BBOX1: variants seen among roughly 807,000 people sequenced by gnomAD.
BBOX1 encodes gamma-butyrobetaine dioxygenase.
A neutral mutation model predicts 41.6 loss-of-function variants in BBOX1; 35 were observed. The ratio of observed to expected loss-of-function variants is 0.84; its 90% CI spans 0.64 to 1.11. The LOEUF (loss-of-function observed/expected upper bound fraction) is 1.11, where lower values mean the gene tolerates loss of function less well. Ranked by LOEUF, BBOX1 falls within the 50% of genes most tolerant of loss-of-function variation. BBOX1 has a pLI of 0.00. For synonymous variants in BBOX1, 163 were observed against 154.7 expected (o/e 1.05, Z -0.40); for missense variants, 458 against 460.6 (o/e 0.99, Z 0.05).
At chr11:27,125,860 T>C in intron 8 of BBOX1, 40 bp downstream of exon 8, 1 of 1,584,394 alleles carries the variant, frequency 6.3e-7, no homozygotes, top group Non-Finnish European at 8.6e-7. Flanking sequence ...AAAGCATGGA[T>C]TTTCTTCAAC....
At position 27,117,742 on chromosome 11, in the gene BBOX1, A is replaced by G. The variant is rs1470668867; in HGVS notation, c.640-1907A>G. Among the ~76,000 whole-genome samples, 3 of 152,062 alleles carry G rather than the reference A, an allele frequency of 2.0e-5. No individual in the cohort carries two copies. In the East Asian group the frequency reaches 5.8e-4, roughly 29 times the overall value. ...TTCATAAATGTTCCTGAAGTATAAT[A>G]GAATGCTTGACTTTTTCATAGTCAT... On this transcript the variant is annotated intron_variant, in intron 6 of 8. Coordinates refer to ENST00000263182, the MANE Select transcript of BBOX1 (RefSeq NM_003986.3).
chr11:27,047,875 ACTACTGC>A (rs1564950226), intron 2 of BBOX1, among the ~76,000 whole-genome samples: 1 of 152,118 alleles, frequency 6.6e-6, no homozygotes, highest in African/African-American at 2.4e-5. Flanking sequence ...TACTTTTACT[ACTACTGC>A]TACTTCTACT....
At position 27,064,085 on chromosome 11, in the gene BBOX1, C is replaced by T. The variant is rs915400304; in HGVS notation, c.334+6770C>T. ...TTGCCCCCATCTCTAAGCCTTGCTACATCCATTCTTGAATTCTCAGAGGTG... is the reference window on the plus strand; with the variant it reads ...TTGCCCCCATCTCTAAGCCTTGCTATATCCATTCTTGAATTCTCAGAGGTG... On this transcript the variant is annotated intron_variant, in intron 4 of 8. Transcript: ENST00000263182. 2.6e-5 allele frequency among the ~76,000 whole-genome samples: 4 copies of T among 152,186 alleles called. No individual in the cohort carries two copies. In the South Asian group the frequency reaches 6.2e-4, roughly 24 times the overall value.
chr11:27,110,181 A>G (rs1055731176), intron 5 of BBOX1, among the ~76,000 whole-genome samples: 1 of 151,936 alleles, frequency 6.6e-6, no homozygotes, highest in African/African-American at 2.4e-5. Context: ...CATAGTTAGG[A>G]GAGAACCATC....
At position 27,092,160 on chromosome 11, in the gene BBOX1, C is replaced by T. The variant is rs574993042; in HGVS notation, c.335-1008C>T. 2.0e-5 allele frequency among the ~76,000 whole-genome samples: 3 copies of T among 152,064 alleles called. No homozygotes were observed. The South Asian group carries it at 6.2e-4, about 32-fold the overall frequency. On this transcript the variant is annotated intron_variant, in intron 4 of 8. Transcript: ENST00000263182. Reference sequence around the variant, plus strand: ...AATGGTTTCCAGTCCACAACTACTACAAGAGGCACCATTCTTCATTCTTAA... The same window carrying T: ...AATGGTTTCCAGTCCACAACTACTATAAGAGGCACCATTCTTCATTCTTAA...
intron 2 of BBOX1, among the ~76,000 whole-genome samples, chr11:27,051,676 C>A (rs1313722913): frequency 1.3e-5 from 2 of 151,898 alleles, no homozygotes; most frequent in East Asian, 3.9e-4. Flanking sequence ...TCTCCTCTTT[C>A]ATTTCTGATT....
rs372944816 is a variant in BBOX1, at chr11:27,073,201, C to A, written c.334+15886C>A. Reference sequence around the variant, plus strand: ...GCTAATATCCAGAATCTACAATGAACTCAAACAAATTTACAAGAAAAAAGC... The same window carrying A: ...GCTAATATCCAGAATCTACAATGAAATCAAACAAATTTACAAGAAAAAAGC... On this transcript the variant is annotated intron_variant, in intron 4 of 8. Transcript: ENST00000263182. 4.0e-4 allele frequency among the ~76,000 whole-genome samples: 61 copies of A among 152,264 alleles called. No homozygotes were observed. The South Asian group carries it at 0.011, about 27-fold the overall frequency.
chr11:27,077,912 A>G (rs1204103782), intron 4 of BBOX1, among the ~76,000 whole-genome samples: 2 of 151,994 alleles, frequency 1.3e-5, no homozygotes, highest in African/African-American at 4.8e-5. Context: ...CAGCATGCAC[A>G]ATTCTAAGGG....
chr11:27,090,160 C>T (rs1405932518), intron 4 of BBOX1, among the ~76,000 whole-genome samples: 2 of 151,908 alleles, frequency 1.3e-5, no homozygotes, highest in Non-Finnish European at 2.9e-5. Context: ...AGCTGGGCAT[C>T]AAGAAAGAAC....
chr11:27,110,220 T>C (rs1466382508), intron 5 of BBOX1, among the ~76,000 whole-genome samples: 4 of 152,030 alleles, frequency 2.6e-5, no homozygotes, highest in African/African-American at 9.6e-5. Flanking sequence ...AGAGAATTGG[T>C]TACCATCATC....
At chr11:27,072,702 G>A (rs1857495429) in intron 4 of BBOX1, among the ~76,000 whole-genome samples, 1 of 152,238 alleles carries the variant, frequency 6.6e-6, no homozygotes, top group South Asian at 2.1e-4. Context: ...AAAACAGCAT[G>A]GTACTGGTAC....
intron 2 of BBOX1, among the ~76,000 whole-genome samples, chr11:27,052,450 C>G (rs547683278): frequency 1.3e-5 from 2 of 152,052 alleles, no homozygotes; most frequent in Non-Finnish European, 2.9e-5. Context: ...CCATTCATAA[C>G]AGAATGAAAC....
chr11:27,067,117 C>A (rs374596655), intron 4 of BBOX1, among the ~76,000 whole-genome samples: 52 of 152,226 alleles, frequency 3.4e-4, no homozygotes, highest in African/African-American at 6.7e-4. Context: ...CCATACATAT[C>A]AACTCATTAT....
intron 4 of BBOX1, among the ~76,000 whole-genome samples, chr11:27,075,958 C>T (rs994257610): frequency 6.6e-6 from 1 of 152,226 alleles, no homozygotes; most frequent in Non-Finnish European, 1.5e-5. Flanking sequence ...CCCCACTGAG[C>T]CCAGCACTGT....
At chr11:27,072,289 A>G (rs1857478536) in intron 4 of BBOX1, among the ~76,000 whole-genome samples, 1 of 152,210 alleles carries the variant, frequency 6.6e-6, no homozygotes, top group Admixed American at 6.5e-5. Context: ...AGACAAAGAG[A>G]GAGCCAAATC....
At chr11:27,100,181 G>A (rs1032188562) in intron 5 of BBOX1, among the ~76,000 whole-genome samples, 1 of 152,046 alleles carries the variant, frequency 6.6e-6, no homozygotes, top group Non-Finnish European at 1.5e-5. Context: ...CTAAGAAATT[G>A]CTCCTACCAT....
intron 4 of BBOX1, among the ~76,000 whole-genome samples, chr11:27,088,472 T>A (rs925672511): frequency 6.6e-6 from 1 of 152,086 alleles, no homozygotes; most frequent in Non-Finnish European, 1.5e-5. Flanking sequence ...TGTTGTGCAA[T>A]GAAACCTGCT....
intron 5 of BBOX1, among the ~76,000 whole-genome samples, chr11:27,095,510 C>G (rs932817593): frequency 6.6e-6 from 1 of 151,948 alleles, no homozygotes; most frequent in Admixed American, 6.6e-5. Context: ...CATTCCATGT[C>G]CCTTATGGGC....
intron 4 of BBOX1, among the ~76,000 whole-genome samples, chr11:27,086,175 G>T (rs1858033073): frequency 1.3e-5 from 2 of 152,122 alleles, no homozygotes; most frequent in South Asian, 2.1e-4. Flanking sequence ...GATCATTGAT[G>T]AAGGTGGATA....
Sources: gnomAD v4.1 joint callset for allele counts (sites outside exome capture counted in the v4.1 genomes callset) on GRCh38, gnomAD v4.1.1 for gene constraint, MANE v1.5 for transcripts, NCBI Gene and HGNC (gene_info 2026-07-23, HGNC 2026-07-21) for gene names.